SP110: variants seen among roughly 807,000 people sequenced by gnomAD.
The protein encoded by SP110 is SP110 nuclear body protein, also known as interferon-induced protein 41, 30kD.
Under a neutral mutation model 92.7 loss-of-function variants are expected in SP110, and 62 were observed. That is an observed-to-expected ratio of 0.67 (90% CI 0.55 to 0.83). The LOEUF is 0.83. SP110 is among the 40% of genes least tolerant of loss of function. SP110 has a pLI of 0.00. For missense variants in SP110, 793 were observed against 863.9 expected (o/e 0.92, Z 1.03); for synonymous variants, 273 against 305.3 (o/e 0.89, Z 1.10).
upstream of SP110, chr2:230,220,055 C>G (rs2045669627): frequency 1.0e-6 from 1 of 985,538 alleles, no homozygotes; most frequent in Non-Finnish European, 1.2e-6. Context: ...GTTTGCCAAG[C>G]CGGAAGCTGA....
At chr2:230,177,234 A>T (rs1160737280) in intron 14 of SP110, 4 of 421,210 alleles carry the variant, frequency 9.5e-6, no homozygotes, top group Non-Finnish European at 1.8e-5. Flanking sequence ...GATGCAGGGG[A>T]GTGGTTGCAG....
intron 10 of SP110, among the ~76,000 whole-genome samples, chr2:230,197,463 G>A (rs1236222727): frequency 6.0e-5 from 9 of 150,230 alleles, no homozygotes; most frequent in African/African-American, 2.2e-4. Flanking sequence ...AGATGAGTAG[G>A]TTGCGAAAAT....
At chr2:230,201,935 T>C (rs2043223662) in intron 9 of SP110, among the ~76,000 whole-genome samples, 1 of 152,212 alleles carries the variant, frequency 6.6e-6, no homozygotes, top group African/African-American at 2.4e-5. Flanking sequence ...ACTGTTAAAT[T>C]ACCTCACCCT....
intron 5 of SP110, among the ~76,000 whole-genome samples, 175 bp downstream of exon 5, chr2:230,212,172 G>A (rs58051262): frequency 0.19 from 28,420 of 152,134 alleles, 3,151 homozygotes; most frequent in Non-Finnish European, 0.24. Context: ...TGGTGTTTTG[G>A]TTGTTGGTTT....
chr2:230,187,237 A>G (rs2042401333), intron 10 of SP110, among the ~76,000 whole-genome samples: 1 of 151,912 alleles, frequency 6.6e-6, no homozygotes, highest in African/African-American at 2.4e-5. Context: ...TTTAATCTTC[A>G]TTTCCCTGAT....
intron 10 of SP110, among the ~76,000 whole-genome samples, chr2:230,194,915 G>A (rs2042795317): frequency 6.6e-6 from 1 of 152,150 alleles, no homozygotes; most frequent in Non-Finnish European, 1.5e-5. Context: ...CTGATGGGGT[G>A]GCCTAGGGGA....
intron 15 of SP110, chr2:230,172,400 G>A (rs1486937013): frequency 1.7e-6 from 1 of 600,326 alleles, no homozygotes; most frequent in Non-Finnish European, 3.0e-6. Context: ...ACTGTTAAGT[G>A]TGGGCTCTCT....
chr2:230,179,288 C>A (rs1337832705), intron 12 of SP110, among the ~76,000 whole-genome samples: 5 of 152,022 alleles, frequency 3.3e-5, no homozygotes, highest in Non-Finnish European at 7.4e-5. Context: ...TGCCTGGCCT[C>A]ACAGGAGCAG....
At chr2:230,220,180 CAG>C, upstream of SP110, 1 of 624,446 alleles carries the variant, frequency 1.6e-6, no homozygotes. Flanking sequence ...GGGATCAGCC[CAG>C]AGAGGGAGGT....
chr2:230,216,048 T>C (rs1252505183), intron 2 of SP110, among the ~76,000 whole-genome samples: 2 of 152,144 alleles, frequency 1.3e-5, no homozygotes, highest in Non-Finnish European at 1.5e-5. Flanking sequence ...ACCAAAATTA[T>C]ATAAAAATAG....
At position 230,172,895 on chromosome 2, in the gene SP110, C is replaced by T; in HGVS notation, c.1655G>A (p.Cys552Tyr). 4 of 1,614,192 alleles carry T rather than the reference C, an allele frequency of 2.5e-6. No homozygotes were observed. The highest frequency in any genetic ancestry group is 3.4e-6 in the Non-Finnish European group (4 of 1,180,022). ...ACAGTCCTCATGGAAGACTCGTGGA[C>T]AAGTACCGCAGCAGAGAAGTTGTCC... ...QGGQLLCCGT[C>Y]PRVFHEDCHI... Residue 552 changes from cysteine to tyrosine, a missense_variant, in exon 15 of 19, where the codon TGT (cysteine) becomes TAT (tyrosine). By Grantham distance (194) the Cys-to-Tyr change is radical. Transcript: ENST00000258381.
At chr2:230,187,691 G>C (rs1477601677) in intron 10 of SP110, among the ~76,000 whole-genome samples, 1 of 152,074 alleles carries the variant, frequency 6.6e-6, no homozygotes, top group Non-Finnish European at 1.5e-5. Flanking sequence ...TAGGGATCCA[G>C]TTTTATTCTT....
intron 12 of SP110, among the ~76,000 whole-genome samples, chr2:230,180,052 C>A (rs961927547): frequency 4.6e-5 from 7 of 152,156 alleles, no homozygotes; most frequent in African/African-American, 1.7e-4. Context: ...CCCCAGGAAC[C>A]CGGTGGGGGA....
chr2:230,214,425 A>T (rs2044865839), intron 3 of SP110, among the ~76,000 whole-genome samples: 1 of 152,344 alleles, frequency 6.6e-6, no homozygotes, highest in South Asian at 2.1e-4. Context: ...TTCTTAACCA[A>T]CAAGTAATTT....
At position 230,215,028 on chromosome 2, in the gene SP110, G is replaced by C; in HGVS notation, c.238C>G (p.Leu80Val). The change falls in exon 3 of 19, where the codon CTT (leucine) becomes GTT (valine). Residue 80 changes from leucine to valine, a missense_variant. Coordinates refer to ENST00000258381, the MANE Select transcript of SP110 (RefSeq NM_080424.4). ...ATTTGACTGAACAATGTCACCAGAA[G>C]AGACAGGTTAAAAGTCCTCTCCAGT... ...TQLERTFNLS[L>V]LVTLFSQINL... is the part of the protein sequence containing the mutation. The C allele has an allele frequency of 6.2e-7, 1 of 1,613,688 alleles. No individual in the cohort carries two copies. The highest frequency in any genetic ancestry group is 8.5e-7 in the Non-Finnish European group (1 of 1,179,546).
At chr2:230,180,317 A>G (rs757715953) in intron 12 of SP110, among the ~76,000 whole-genome samples, 14 of 152,210 alleles carry the variant, frequency 9.2e-5, no homozygotes, top group Non-Finnish European at 1.6e-4. Context: ...AGGAATTCCT[A>G]CAGAACATGA....
chr2:230,192,872 T>A (rs1280092674), intron 10 of SP110, among the ~76,000 whole-genome samples: 1 of 152,242 alleles, frequency 6.6e-6, no homozygotes, highest in African/African-American at 2.4e-5. Flanking sequence ...GTCCATTTGT[T>A]CTAGAGTGTA....
rs376240121 is a variant in SP110 at position 230,202,031 on chromosome 2, G to A, written c.1048+548C>T. On this transcript the variant is annotated intron_variant, in intron 9 of 18. Transcript: ENST00000258381. ...ATCACAACTGAATGCAGAAACAGTT[G>A]TAGGAATCCAGCTGTCTTTTTATAA... 3.3e-3 allele frequency among the ~76,000 whole-genome samples: 503 copies of A among 152,280 alleles called. 3 individuals are homozygous for A. The highest frequency in any genetic ancestry group is 0.012 in the African/African-American group (480 of 41,574).
chr2:230,165,366 G>T lies in SP110; in HGVS notation c.*3758C>A, dbSNP rs142081394. Among the ~76,000 whole-genome samples the T allele has an allele frequency of 6.6e-6, 1 of 152,218 alleles. No individual in the cohort carries two copies. The highest frequency in any genetic ancestry group is 2.4e-5 in the African/African-American group (1 of 41,452). ...AGCAAAAAGGAAGTATGGAGAAGTC[G>T]TGTCAAGAAAAGACCAGCAGGGAAT... On this transcript the variant is annotated 3_prime_UTR_variant, in exon 19 of 19. Coordinates refer to ENST00000258381, the MANE Select transcript of SP110 (RefSeq NM_080424.4).
Sources: gnomAD v4.1 joint callset for allele counts (sites outside exome capture counted in the v4.1 genomes callset) on GRCh38, gnomAD v4.1.1 for gene constraint, MANE v1.5 for transcripts, NCBI Gene and HGNC (gene_info 2026-07-23, HGNC 2026-07-21) for gene names.